The following NRXN1 variants were observed in gnomAD, a reference collection of about 807,000 sequenced individuals.
NRXN1 encodes neurexin 1.
In NRXN1, 39 loss-of-function variants were observed where a neutral mutation model predicts 150.9. That is an observed-to-expected ratio of 0.26 (90% CI 0.20 to 0.34). The LOEUF (loss-of-function observed/expected upper bound fraction) is 0.34. Ranked by LOEUF, NRXN1 falls within the 10% of genes least tolerant of loss-of-function variation. NRXN1 has a pLI of 1.00. For missense variants in NRXN1, 1,815 were observed against 1,949.9 expected (o/e 0.93, Z 1.30); for synonymous variants, 924 against 757.0 (o/e 1.22, Z -3.62).
chr2:50,440,533 T>A (rs750229940), intron 17 of NRXN1, among the ~76,000 whole-genome samples: 5 of 152,026 alleles, frequency 3.3e-5, no homozygotes, highest in Non-Finnish European at 5.9e-5. Flanking sequence ...CAAGTTTAAA[T>A]GAGAAAATAA....
At chr2:50,923,336 A>T in intron 3 of NRXN1, 1 of 246,256 alleles carries the variant, frequency 4.1e-6, no homozygotes, top group South Asian at 4.4e-5. Context: ...CTGCAAATAC[A>T]CTAAAGCAAT....
chr2:50,368,393 T>C (rs889164687), intron 17 of NRXN1, among the ~76,000 whole-genome samples: 2 of 152,010 alleles, frequency 1.3e-5, no homozygotes, highest in Admixed American at 6.6e-5. Context: ...CCTAATTCTA[T>C]AGTTGTTATT....
chr2:50,597,390 C>T (rs1461750532), intron 8 of NRXN1, among the ~76,000 whole-genome samples: 1 of 152,174 alleles, frequency 6.6e-6, no homozygotes, highest in African/African-American at 2.4e-5. Context: ...AGCCATAAGG[C>T]CCCCTCTCAA....
chr2:50,064,166 C>T (rs1694991244), intron 19 of NRXN1, among the ~76,000 whole-genome samples: 1 of 151,782 alleles, frequency 6.6e-6, no homozygotes, highest in Admixed American at 6.6e-5. Context: ...TTAGTTTATT[C>T]AGTTTACCAG....
At chr2:50,109,549 G>A (rs947101773) in intron 18 of NRXN1, among the ~76,000 whole-genome samples, 1 of 151,248 alleles carries the variant, frequency 6.6e-6, no homozygotes, top group Non-Finnish European at 1.5e-5. Context: ...GGTTCTCTTG[G>A]GTTTATTGTA....
At chr2:50,927,867 A>G (rs951972105) in intron 2 of NRXN1, among the ~76,000 whole-genome samples, 2 of 151,970 alleles carry the variant, frequency 1.3e-5, no homozygotes, top group Admixed American at 1.3e-4. Context: ...AGTGTGGCCT[A>G]AAACTACAAT....
chr2:51,004,102 T>C (rs1700407468), intron 2 of NRXN1, among the ~76,000 whole-genome samples: 1 of 151,430 alleles, frequency 6.6e-6, no homozygotes, highest in African/African-American at 2.4e-5. Flanking sequence ...CATTGAACCA[T>C]ATATCCAGGT....
chr2:50,019,947 C>CAAAAAAAAAAAAAAAAAAA (rs1161865745), intron 21 of NRXN1, among the ~76,000 whole-genome samples: 1 of 43,358 alleles, frequency 2.3e-5, no homozygotes, highest in Non-Finnish European at 4.9e-5. Flanking sequence ...GACTCCGTCT[C>CAAAAAAAAAAAAAAAAAAA]AAAAAAAAAA....
intron 2 of NRXN1, among the ~76,000 whole-genome samples, chr2:50,948,177 A>T (rs1360868278): frequency 6.6e-6 from 1 of 152,038 alleles, no homozygotes; most frequent in Non-Finnish European, 1.5e-5. Flanking sequence ...AGATTTCTTG[A>T]GGTAATTTTT....
intron 17 of NRXN1, among the ~76,000 whole-genome samples, chr2:50,261,729 G>C (rs1002621082): frequency 6.6e-6 from 1 of 151,794 alleles, no homozygotes; most frequent in African/African-American, 2.4e-5. Context: ...TTTATATAAA[G>C]TGAATTCTTT....
intron 8 of NRXN1, among the ~76,000 whole-genome samples, chr2:50,581,853 C>T (rs1389187687): frequency 6.6e-6 from 1 of 152,088 alleles, no homozygotes; most frequent in East Asian, 1.9e-4. Flanking sequence ...TACTTAGAGG[C>T]AGATCCAAGA....
At chr2:50,572,682 T>G (rs748224539) in intron 8 of NRXN1, among the ~76,000 whole-genome samples, 3 of 152,192 alleles carry the variant, frequency 2.0e-5, no homozygotes, top group Non-Finnish European at 4.4e-5. Flanking sequence ...TCACACCAAA[T>G]TACAACAAAT....
In NRXN1 at chr2:50,538,205, T is replaced by C. The variant is rs180689346; in HGVS notation, c.2143+48A>G. On this transcript the variant is annotated intron_variant, in intron 10 of 22. Transcript: ENST00000401669. ...GTGCAGGTTTGAGGTCAACATTTAA[T>C]AAACTTTTCATCTCAGGGAGTTGGC... 2.1e-4 allele frequency: 336 copies of C among 1,569,108 alleles called. 1 individual carries two copies. Among genetic ancestry groups the C allele is most frequent in the Non-Finnish European group, 6.9e-5 (80 of 1,156,198 alleles).
intron 5 of NRXN1, chr2:50,758,062 T>C (rs1701369520): frequency 6.6e-6 from 1 of 151,828 alleles, no homozygotes; most frequent in Admixed American, 6.6e-5. Flanking sequence ...CATTGCTTTA[T>C]TGAAGATATG....
intron 21 of NRXN1, among the ~76,000 whole-genome samples, chr2:50,042,224 G>C (rs1448805942): frequency 6.6e-6 from 1 of 152,212 alleles, no homozygotes; most frequent in East Asian, 1.9e-4. Context: ...ATACGGTTTG[G>C]CTGTGTCCCC....
intron 17 of NRXN1, among the ~76,000 whole-genome samples, chr2:50,464,903 T>C (rs758339630): frequency 6.6e-6 from 1 of 151,900 alleles, no homozygotes; most frequent in Admixed American, 6.6e-5. Flanking sequence ...TATATTGTAA[T>C]ACTTAGTTAA....
At position 49,921,885 on chromosome 2, in the gene NRXN1, TTA is replaced by T; in HGVS notation, c.*57_*58del. On this transcript the variant is annotated 3_prime_UTR_variant, in exon 23 of 23. Transcript: ENST00000401669. ...AAAAAGGAAAGTAAATAAGTTTATA[TTA>T]TGTCTCAGATAAAATGAAGACTATT... The T allele has an allele frequency of 6.5e-7, 1 of 1,535,328 alleles. No individual in the cohort carries two copies. Among genetic ancestry groups the T allele is most frequent in the Non-Finnish European group, 9.0e-7 (1 of 1,112,276 alleles).
chr2:50,856,108 C>G (rs1040671319), intron 5 of NRXN1, among the ~76,000 whole-genome samples: 6 of 151,202 alleles, frequency 4.0e-5, no homozygotes, highest in African/African-American at 1.5e-4. Flanking sequence ...CAGAAGACAG[C>G]TGGTTATTCT....
chr2:50,123,846 G>C (rs1028943177), intron 18 of NRXN1, among the ~76,000 whole-genome samples: 32 of 152,160 alleles, frequency 2.1e-4, no homozygotes, highest in African/African-American at 7.7e-4. Context: ...GATGGATATT[G>C]TGGAAGGAGT....
Sources: allele counts gnomAD v4.1 joint callset (sites outside exome capture counted in the v4.1 genomes callset), GRCh38; gene constraint gnomAD v4.1.1; transcripts MANE v1.5; gene names NCBI Gene and HGNC (gene_info 2026-07-23, HGNC 2026-07-21).